Variants in TMEM91 observed in about 807,000 individuals in gnomAD.
TMEM91 encodes the protein dispanin subfamily C member 3.
Under a neutral mutation model 13.3 loss-of-function variants are expected in TMEM91, and 6 were observed. That is an observed-to-expected ratio of 0.45 (90% confidence interval 0.25 to 0.89). The LOEUF (loss-of-function observed/expected upper bound fraction) is 0.89. Among genes scored for constraint, TMEM91 ranks in the 40% least tolerant of loss-of-function variants. The probability of loss-of-function intolerance (pLI) is 0.19; values close to 1 mark genes in which losing one functional copy is unlikely to be tolerated. For missense variants in TMEM91, 193 were observed against 228.7 expected, an observed-to-expected ratio of 0.84 and a Z score of 1.01; for synonymous variants, 87 against 101.7, an observed-to-expected ratio of 0.86 and a Z score of 0.87.
At chr19:41,383,647 G>A in intron 3 of TMEM91, 68 bp from the exon 4 acceptor site, 1 of 1,614,094 alleles carries the variant, frequency 6.2e-7, no homozygotes, top group Non-Finnish European at 8.5e-7. Flanking sequence ...GTTGGGTGGG[G>A]GAGGGACCAG....
intron 3 of TMEM91, 134 bp from the exon 4 acceptor site, chr19:41,383,581 T>G: frequency 6.2e-7 from 1 of 1,614,074 alleles, no homozygotes. Context: ...GCCTGACCTA[T>G]AGTAGGTGCT....
chr19:41,369,391 C>G (rs543404695), intron 1 of TMEM91, among the ~76,000 whole-genome samples: 1 of 151,884 alleles, frequency 6.6e-6, no homozygotes, highest in African/African-American at 2.4e-5. Context: ...CTGGCCATCC[C>G]GGCTACTTTG....
chr19:41,380,698 C>T (rs2038858778), intron 2 of TMEM91, among the ~76,000 whole-genome samples: 1 of 152,114 alleles, frequency 6.6e-6, no homozygotes, highest in Non-Finnish European at 1.5e-5. Flanking sequence ...ATCACGAGGT[C>T]AGGAGTTCGA....
At chr19:41,365,856 AC>A (rs1019743787) in intron 1 of TMEM91, among the ~76,000 whole-genome samples, 5 of 150,406 alleles carry the variant, frequency 3.3e-5, no homozygotes, top group African/African-American at 1.2e-4. Context: ...GATTGCAGGC[AC>A]CCACCACTAT....
chr19:41,382,844 C>T lies in TMEM91; in HGVS notation c.283C>T (p.His95Tyr), dbSNP rs756774169. 6.2e-7 allele frequency: 1 copy of T among 1,614,224 alleles called. No individual in the cohort carries two copies. Among genetic ancestry groups the T allele is most frequent in the African/African-American group, 1.3e-5 (1 of 75,056 alleles). The change falls in exon 3 of 4, where the codon CAC (histidine) becomes TAC (tyrosine). Residue 95 changes from histidine to tyrosine, a missense_variant. His to Tyr is a moderately conservative substitution (Grantham distance 83, BLOSUM62 2). Transcript: ENST00000392002. ...SRLSPFLPHD[H>Y]LGLAVFSMLC... The stretch of plus-strand genomic sequence containing the variant: ...TCTTTCACCATTTCTACCCCACGAC[C>T]ACCTCGGCTTGGCTGTCTTCTCCAT...
chr19:41,383,927 T>C lies in TMEM91; in HGVS notation c.*54T>C, dbSNP rs2038956406. 1 of 1,573,372 alleles carries C rather than the reference T, an allele frequency of 6.4e-7. No homozygotes were observed. ...TGAGGCCGGCAGCCCAGCAAATCTG[T>C]GGGCAGAGAGTGGAGAATCTTGGTG... is the stretch of plus-strand genomic sequence containing the variant. On this transcript the variant is annotated 3_prime_UTR_variant, in exon 4 of 4. Coordinates refer to ENST00000392002, the MANE Select transcript of TMEM91 (RefSeq NM_001098821.2).
At chr19:41,368,868 A>G (rs2038570113) in intron 1 of TMEM91, among the ~76,000 whole-genome samples, 1 of 151,948 alleles carries the variant, frequency 6.6e-6, no homozygotes, top group African/African-American at 2.4e-5. Flanking sequence ...TAATCCCAGC[A>G]CTTTGTGAGG....
chr19:41,374,411 T>C (rs928838285), upstream of TMEM91: 4 of 152,204 alleles, frequency 2.6e-5, no homozygotes, highest in Admixed American at 1.3e-4. Flanking sequence ...ATAAACACCA[T>C]CAAATGTGTT....
At chr19:41,366,820 C>A (rs1044475534) in intron 1 of TMEM91, among the ~76,000 whole-genome samples, 42 of 151,962 alleles carry the variant, frequency 2.8e-4, no homozygotes, top group Non-Finnish European at 5.9e-5. Context: ...AAATTATCGT[C>A]AACTATAAAT....
chr19:41,371,823 A>G (rs116386284), upstream of TMEM91, among the ~76,000 whole-genome samples: 1,364 of 152,218 alleles, frequency 9.0e-3, 16 homozygotes, highest in African/African-American at 0.031. Context: ...CACTTAGCAT[A>G]GTGTCCTCAA....
upstream of TMEM91, among the ~76,000 whole-genome samples, chr19:41,373,459 T>C (rs796252840): frequency 1.9e-4 from 29 of 150,582 alleles, 1 homozygote; most frequent in African/African-American, 6.8e-4. Flanking sequence ...ACATATGTAA[T>C]AAAGACCCAC....
chr19:41,383,173 C>T, intron 3 of TMEM91: 1 of 526,672 alleles, frequency 1.9e-6, no homozygotes, highest in Middle Eastern at 5.2e-4. Flanking sequence ...CCTGCCCCAG[C>T]CTCCTGAGTA....
At chr19:41,365,519 C>G (rs1002911678) in intron 1 of TMEM91, among the ~76,000 whole-genome samples, 6 of 151,914 alleles carry the variant, frequency 3.9e-5, no homozygotes, top group Non-Finnish European at 7.4e-5. Flanking sequence ...ATTCTCCTGC[C>G]TCAGCCTCCC....
At chr19:41,366,740 T>C (rs2038534168) in intron 1 of TMEM91, among the ~76,000 whole-genome samples, 1 of 151,662 alleles carries the variant, frequency 6.6e-6, no homozygotes, top group African/African-American at 2.4e-5. Context: ...ATTACAGGCA[T>C]GAGCCACTGC....
intron 1 of TMEM91, among the ~76,000 whole-genome samples, chr19:41,369,607 C>G (rs2038582416): frequency 6.6e-6 from 1 of 151,376 alleles, no homozygotes; most frequent in Non-Finnish European, 1.5e-5. Flanking sequence ...GAGTTCGAGA[C>G]AAGCCTGGCC....
chr19:41,369,685 G>A (rs1232169769), intron 1 of TMEM91, among the ~76,000 whole-genome samples: 4 of 151,930 alleles, frequency 2.6e-5, no homozygotes, highest in African/African-American at 9.7e-5. Flanking sequence ...GCGAGCGCCT[G>A]TAGTCCCAGC....
chr19:41,366,723 TGCTGAGATTACA>T (rs2038533821), intron 1 of TMEM91, among the ~76,000 whole-genome samples: 1 of 151,712 alleles, frequency 6.6e-6, no homozygotes, highest in Non-Finnish European at 1.5e-5. Context: ...CCTCCCAAAG[TGCTGAGATTACA>T]GGCATGAGCC....
rs2038943257 is a variant in TMEM91, at chr19:41,383,529, T to C, written c.361-186T>C. The C allele has an allele frequency of 2.6e-6, 4 of 1,524,644 alleles. No individual in the cohort carries two copies. The East Asian group carries it at 9.5e-5, about 36-fold the overall frequency. The allele number at this position is 1,524,644 out of a possible 1,614,324, so 94.4% of individuals were successfully genotyped here. A position where few individuals can be genotyped will look rare whatever the true frequency, so the allele number is the denominator to read the frequency against. On this transcript the variant is annotated intron_variant, in intron 3 of 3. Transcript: ENST00000392002. ...TAAAATTTATTATTATTATTATTTT[T>C]TACCATTTTAATGTTTTTATTAACC...
intron 1 of TMEM91, among the ~76,000 whole-genome samples, chr19:41,368,430 G>GC (rs2038562631): frequency 6.7e-6 from 1 of 148,748 alleles, no homozygotes; most frequent in African/African-American, 2.5e-5. Context: ...TTTTTTGGGG[G>GC]GGGTGGTTAT....
Sources: gnomAD v4.1 joint callset for allele counts (sites outside exome capture counted in the v4.1 genomes callset) on GRCh38, gnomAD v4.1.1 for gene constraint, MANE v1.5 for transcripts, NCBI Gene and HGNC (gene_info 2026-07-23, HGNC 2026-07-21) for gene names.